YAP1: variants seen among roughly 807,000 people sequenced by gnomAD.
YAP1 encodes transcriptional coactivator YAP1.
Under a neutral mutation model 56.9 loss-of-function variants are expected in YAP1, and 5 were observed. The ratio of observed to expected loss-of-function variants is 0.09; its 90% CI spans 0.05 to 0.18. The LOEUF is 0.18. Ranked by LOEUF, YAP1 falls within the 10% of genes least tolerant of loss-of-function variation. YAP1 has a pLI of 1.00. For synonymous variants in YAP1, 265 were observed against 248.1 expected (o/e 1.07, Z -0.64); for missense variants, 539 against 651.8 (o/e 0.83, Z 1.88).
intron 6 of YAP1, among the ~76,000 whole-genome samples, chr11:102,223,082 A>G (rs1458931283): frequency 4.6e-5 from 3 of 64,966 alleles, no homozygotes; most frequent in African/African-American, 1.8e-4. Context: ...CGTCTCTACT[A>G]AAAAAAATAC....
At chr11:102,133,815 A>G (rs1944513674) in intron 2 of YAP1, among the ~76,000 whole-genome samples, 1 of 152,146 alleles carries the variant, frequency 6.6e-6, no homozygotes, top group Non-Finnish European at 1.5e-5. Context: ...AATACTGTAG[A>G]CGGAGTGGCC....
chr11:102,210,922 C>A (rs1172310917), intron 6 of YAP1, among the ~76,000 whole-genome samples: 2 of 151,834 alleles, frequency 1.3e-5, no homozygotes, highest in Non-Finnish European at 2.9e-5. Context: ...CCAGCTAATT[C>A]TTTTTGAATT....
At chr11:102,208,629 G>GA (rs1004374569) in intron 5 of YAP1, among the ~76,000 whole-genome samples, 9 of 150,496 alleles carry the variant, frequency 6.0e-5, no homozygotes, top group African/African-American at 7.3e-5. Context: ...ATGGCTAATA[G>GA]AAAAAAAAAG....
intron 6 of YAP1, among the ~76,000 whole-genome samples, chr11:102,219,385 T>C (rs1369534672): frequency 6.6e-6 from 1 of 152,202 alleles, no homozygotes; most frequent in Non-Finnish European, 1.5e-5. Flanking sequence ...AGACATGACA[T>C]GTCTGTGTCT....
At chr11:102,220,880 G>C in intron 6 of YAP1, among the ~76,000 whole-genome samples, 1 of 152,204 alleles carries the variant, frequency 6.6e-6, no homozygotes, top group East Asian at 1.9e-4. Flanking sequence ...TCAACAATGG[G>C]TTATTATATG....
At chr11:102,120,607 G>T (rs1274207587) in intron 2 of YAP1, among the ~76,000 whole-genome samples, 1 of 152,166 alleles carries the variant, frequency 6.6e-6, no homozygotes, top group Non-Finnish European at 1.5e-5. Flanking sequence ...CTCAGTTGGG[G>T]GTGGGTGAGG....
chr11:102,206,581 C>T (rs1012098647), intron 5 of YAP1, among the ~76,000 whole-genome samples: 2 of 152,200 alleles, frequency 1.3e-5, no homozygotes. Context: ...TGCGGTGGCT[C>T]ATGCCTGTAA....
intron 2 of YAP1, among the ~76,000 whole-genome samples, chr11:102,126,756 A>T (rs73577873): frequency 0.015 from 2,290 of 152,332 alleles, 62 homozygotes; most frequent in African/African-American, 0.053. Flanking sequence ...AACAGTTTGG[A>T]AGACTCAGAA....
chr11:102,153,946 G>A (rs936335033), intron 2 of YAP1, among the ~76,000 whole-genome samples: 1 of 151,950 alleles, frequency 6.6e-6, no homozygotes, highest in African/African-American at 2.4e-5. Flanking sequence ...GCTAGCATGG[G>A]TCTCATAGAT....
intron 2 of YAP1, among the ~76,000 whole-genome samples, chr11:102,138,959 G>A (rs1404104345): frequency 6.6e-6 from 1 of 152,054 alleles, no homozygotes; most frequent in Non-Finnish European, 1.5e-5. Flanking sequence ...CACTTAAGGA[G>A]CACTGCTTCA....
At chr11:102,153,841 C>A (rs1228913444) in intron 2 of YAP1, among the ~76,000 whole-genome samples, 1 of 150,010 alleles carries the variant, frequency 6.7e-6, no homozygotes, top group Non-Finnish European at 1.5e-5. Flanking sequence ...CCTCTCCATA[C>A]AGAGGAACTC....
chr11:102,115,191 T>C (rs1943203639), intron 2 of YAP1, among the ~76,000 whole-genome samples: 1 of 152,228 alleles, frequency 6.6e-6, no homozygotes, highest in African/African-American at 2.4e-5. Context: ...CCTCAATTTT[T>C]TTCTGGCTTG....
chr11:102,145,076 C>T (rs1945253694), intron 2 of YAP1, among the ~76,000 whole-genome samples: 1 of 152,174 alleles, frequency 6.6e-6, no homozygotes, highest in South Asian at 2.1e-4. Context: ...GTAAGGCTGT[C>T]ATTTAATGCC....
At chr11:102,221,350 A>T (rs117422042) in intron 6 of YAP1, among the ~76,000 whole-genome samples, 1,564 of 152,288 alleles carry the variant, frequency 0.01, 15 homozygotes, top group Middle Eastern at 0.037. Context: ...GATTGAAAAG[A>T]AAAGGAATTT....
At chr11:102,219,448 G>T (rs1020219348) in intron 6 of YAP1, among the ~76,000 whole-genome samples, 1 of 152,096 alleles carries the variant, frequency 6.6e-6, no homozygotes, top group South Asian at 2.1e-4. Context: ...CTTCAAAAAG[G>T]TAGTGCCTTC....
intron 1 of YAP1, among the ~76,000 whole-genome samples, chr11:102,111,567 C>T (rs1168391656): frequency 6.6e-6 from 1 of 150,920 alleles, no homozygotes; most frequent in Non-Finnish European, 1.5e-5. Context: ...CGCGCGCCTC[C>T]GCGCGCTCCG....
intron 2 of YAP1, among the ~76,000 whole-genome samples, chr11:102,139,065 T>TC (rs1175950555): frequency 6.6e-6 from 1 of 151,968 alleles, no homozygotes; most frequent in Non-Finnish European, 1.5e-5. Context: ...TTTTTTTTTT[T>TC]CTCTTCATGA....
intron 2 of YAP1, among the ~76,000 whole-genome samples, chr11:102,125,222 A>G (rs1306807658): frequency 1.3e-5 from 2 of 151,186 alleles, no homozygotes; most frequent in African/African-American, 2.4e-5. Flanking sequence ...GGGTTTTACC[A>G]TGTTGCCCAG....
intron 2 of YAP1, among the ~76,000 whole-genome samples, chr11:102,119,577 A>G (rs1192723287): frequency 3.3e-5 from 5 of 151,996 alleles, no homozygotes; most frequent in Non-Finnish European, 7.4e-5. Context: ...CCTTTCCTAA[A>G]GCTTTATCTT....
Sources: gnomAD v4.1 joint callset for allele counts (sites outside exome capture counted in the v4.1 genomes callset) on GRCh38, gnomAD v4.1.1 for gene constraint, MANE v1.5 for transcripts, NCBI Gene and HGNC (gene_info 2026-07-23, HGNC 2026-07-21) for gene names.